The following ANKRD42 variants were observed in gnomAD, a reference collection of about 807,000 sequenced individuals.
ANKRD42 encodes ankyrin repeat domain 42.
Under a neutral mutation model 51.5 loss-of-function variants are expected in ANKRD42, and 43 were observed. The observed-to-expected ratio is 0.83, with a 90% confidence interval of 0.65 to 1.08. The LOEUF (loss-of-function observed/expected upper bound fraction) is 1.08. Among genes scored for constraint, ANKRD42 ranks in the 50% least tolerant of loss-of-function variants. The probability of loss-of-function intolerance (pLI) is 0.00; values close to 1 mark genes in which losing one functional copy is unlikely to be tolerated. For synonymous variants in ANKRD42, 203 were observed against 213.0 expected (o/e 0.95, Z 0.41); for missense variants, 608 against 629.3 (o/e 0.97, Z 0.36).
At chr11:83,207,420 A>G (rs1219283670) in intron 3 of ANKRD42, among the ~76,000 whole-genome samples, 1 of 152,226 alleles carries the variant, frequency 6.6e-6, no homozygotes, top group Non-Finnish European at 1.5e-5. Flanking sequence ...TGTATGATTA[A>G]AGTTCTAATG....
chr11:83,203,663 AT>A (rs1460774599), intron 2 of ANKRD42, among the ~76,000 whole-genome samples: 3 of 152,144 alleles, frequency 2.0e-5, no homozygotes, highest in African/African-American at 7.2e-5. Context: ...AAATGCTAGG[AT>A]TACAGGCATG....
intron 9 of ANKRD42, among the ~76,000 whole-genome samples, chr11:83,244,224 G>A (rs1410853144): frequency 3.3e-5 from 5 of 151,960 alleles, no homozygotes; most frequent in African/African-American, 7.3e-5. Context: ...CAAGTGATCC[G>A]CCCGCATTGG....
intron 8 of ANKRD42, among the ~76,000 whole-genome samples, chr11:83,239,970 CAT>C (rs1863339516): frequency 6.6e-6 from 1 of 152,120 alleles, no homozygotes; most frequent in South Asian, 2.1e-4. Flanking sequence ...CAACTTCCTG[CAT>C]ATGTTTATTA....
chr11:83,211,870 T>G (rs1862335195), intron 5 of ANKRD42, among the ~76,000 whole-genome samples: 1 of 152,126 alleles, frequency 6.6e-6, no homozygotes, highest in Non-Finnish European at 1.5e-5. Context: ...GTAGTATATA[T>G]GTTGACATGA....
chr11:83,256,523 C>CT (rs1863777567), downstream of ANKRD42, among the ~76,000 whole-genome samples: 1 of 152,092 alleles, frequency 6.6e-6, no homozygotes, highest in Non-Finnish European at 1.5e-5. Context: ...CAGTTCAGTT[C>CT]TGACTTCAAT....
chr11:83,233,753 G>C (rs1863148445), intron 7 of ANKRD42, among the ~76,000 whole-genome samples: 1 of 152,136 alleles, frequency 6.6e-6, no homozygotes, highest in Admixed American at 6.6e-5. Context: ...TGCCATCTTG[G>C]CTCATTACAA....
intron 7 of ANKRD42, among the ~76,000 whole-genome samples, chr11:83,234,461 T>G (rs1863168692): frequency 6.6e-6 from 1 of 152,230 alleles, no homozygotes; most frequent in Non-Finnish European, 1.5e-5. Context: ...TTCTAACAAC[T>G]ATATAATTTT....
At position 83,227,890 on chromosome 11, in the gene ANKRD42, C is replaced by T. The variant is rs751297081; in HGVS notation, c.913+18C>T. 3.2e-6 allele frequency: 5 copies of T among 1,585,612 alleles called. No individual in the cohort carries two copies. Among genetic ancestry groups the T allele is most frequent in the Admixed American group, 3.8e-5 (2 of 53,026 alleles). ...GCATAAAGGTGAGTTATGATTCCTC[C>T]TTTCAGTTCGGATACAATAGCTGCT... is the stretch of plus-strand genomic sequence containing the variant. On this transcript the variant is annotated intron_variant, in intron 7 of 10. Coordinates refer to ENST00000533342, the MANE Select transcript of ANKRD42 (RefSeq NM_001300975.2).
At chr11:83,196,422 T>TGTGC (rs1861659867) in intron 1 of ANKRD42, among the ~76,000 whole-genome samples, 1 of 151,866 alleles carries the variant, frequency 6.6e-6, no homozygotes, top group African/African-American at 2.4e-5. Flanking sequence ...TGTGTGTGTG[T>TGTGC]GTGTGTGTGG....
chr11:83,245,739 C>T (rs1863523476), intron 10 of ANKRD42, 115 bp downstream of exon 10: 2 of 1,180,266 alleles, frequency 1.7e-6, no homozygotes, highest in Admixed American at 2.8e-5. Flanking sequence ...TAGGTTCCAT[C>T]CTGTTTTTCT....
At chr11:83,223,380 G>A (rs942158616) in intron 5 of ANKRD42, among the ~76,000 whole-genome samples, 1 of 152,136 alleles carries the variant, frequency 6.6e-6, no homozygotes, top group Non-Finnish European at 1.5e-5. Flanking sequence ...CTACTATTTC[G>A]GTTGGCCAGT....
chr11:83,218,830 T>C (rs759237690), intron 5 of ANKRD42, among the ~76,000 whole-genome samples: 42 of 152,276 alleles, frequency 2.8e-4, no homozygotes, highest in Non-Finnish European at 5.3e-4. Flanking sequence ...GGCAGTATTG[T>C]CACGAAGGGC....
intron 8 of ANKRD42, among the ~76,000 whole-genome samples, chr11:83,237,023 G>T (rs1863244373): frequency 6.6e-6 from 1 of 152,130 alleles, no homozygotes; most frequent in Non-Finnish European, 1.5e-5. Context: ...GCTCATTCAG[G>T]TTAGGTTCTC....
At chr11:83,220,841 A>ATTAT (rs1862698456) in intron 5 of ANKRD42, among the ~76,000 whole-genome samples, 1 of 151,836 alleles carries the variant, frequency 6.6e-6, no homozygotes, top group African/African-American at 2.4e-5. Context: ...TGAGAGTTTG[A>ATTAT]TTATTTATTA....
rs1861564921 is a variant in ANKRD42, at chr11:83,194,744, A to G, written c.58+16A>G. ...GCAAACCCCTGTGAGTCAGACTGTC[A>G]TTGGCCTTCATCTCTGTCGTATTCC... On this transcript the variant is annotated intron_variant, in intron 1 of 10. Coordinates refer to ENST00000533342, the MANE Select transcript of ANKRD42 (RefSeq NM_001300975.2). The G allele has an allele frequency of 2.6e-6, 4 of 1,567,726 alleles. No individual in the cohort carries two copies. The highest frequency in any genetic ancestry group is 2.7e-5 in the African/African-American group (2 of 73,332).
chr11:83,213,214 G>T, intron 5 of ANKRD42: 1 of 1,599,724 alleles, frequency 6.3e-7, no homozygotes, highest in Non-Finnish European at 8.5e-7. Context: ...AGCACATGCT[G>T]CCTACTGACT....
chr11:83,263,632 G>A (rs1203992972), downstream of ANKRD42, among the ~76,000 whole-genome samples: 2 of 152,166 alleles, frequency 1.3e-5, no homozygotes, highest in Non-Finnish European at 2.9e-5. Context: ...GTCAAAAGGT[G>A]GCGTCTGACC....
intron 3 of ANKRD42, among the ~76,000 whole-genome samples, chr11:83,207,365 G>T (rs1477963029): frequency 6.6e-6 from 1 of 152,186 alleles, no homozygotes; most frequent in Non-Finnish European, 1.5e-5. Flanking sequence ...TGTTTGAAGG[G>T]ACAGGAGCTC....
Position 83,231,574 on chromosome 11 carries a change from A to G in ANKRD42, c.913+3702A>G, listed in dbSNP as rs140362656. Among the ~76,000 whole-genome samples the G allele has an allele frequency of 2.6e-3, 399 of 152,162 alleles. 1 individual carries two copies. The highest frequency in any genetic ancestry group is 9.1e-3 in the African/African-American group (376 of 41,532). On this transcript the variant is annotated intron_variant, in intron 7 of 10. Transcript: ENST00000533342. ...TAACTTGATGTGATCCCATTTGTCC[A>G]TGTTTGCTTTGGTTGCCTGTGCTTG... is the stretch of plus-strand genomic sequence containing the variant.
Sources: gnomAD v4.1 joint callset for allele counts (sites outside exome capture counted in the v4.1 genomes callset) on GRCh38, gnomAD v4.1.1 for gene constraint, MANE v1.5 for transcripts, NCBI Gene and HGNC (gene_info 2026-07-23, HGNC 2026-07-21) for gene names.